ELAVL2: variants seen among roughly 807,000 people sequenced by gnomAD.
ELAVL2 encodes the protein ELAV-like protein 2.
In ELAVL2, 4 loss-of-function variants were observed where a neutral mutation model predicts 34.6. The observed-to-expected ratio is 0.12, with a 90% CI of 0.06 to 0.26. The LOEUF (loss-of-function observed/expected upper bound fraction) is 0.26. ELAVL2 is among the 10% of genes least tolerant of loss of function. The probability of loss-of-function intolerance (pLI) is 1.00; values close to 1 mark genes in which losing one functional copy is unlikely to be tolerated. For synonymous variants in ELAVL2, 193 were observed against 154.8 expected (o/e 1.25, Z -1.83); for missense variants, 432 against 442.8 (o/e 0.98, Z 0.22).
intron 1 of ELAVL2, among the ~76,000 whole-genome samples, chr9:23,777,701 C>CA: frequency 6.6e-6 from 1 of 152,262 alleles, no homozygotes; most frequent in South Asian, 2.1e-4. Context: ...TGCACTGGAA[C>CA]AGTAATTAGA....
the ELAVL2 span, among the ~76,000 whole-genome samples, chr9:23,846,675 A>T: frequency 6.6e-6 from 1 of 152,062 alleles, no homozygotes; most frequent in East Asian, 1.9e-4. Flanking sequence ...TCCATAATTA[A>T]TATCCCAAAA....
intron 5 of ELAVL2, 95 bp downstream of exon 5, chr9:23,701,284 C>G: frequency 7.3e-7 from 1 of 1,375,238 alleles, no homozygotes; most frequent in Non-Finnish European, 1.0e-6. Context: ...CTGACAAAAG[C>G]AAACCAGAGA....
chr9:23,727,529 A>C (rs1296678793), intron 3 of ELAVL2, among the ~76,000 whole-genome samples: 1 of 152,102 alleles, frequency 6.6e-6, no homozygotes, highest in Non-Finnish European at 1.5e-5. Flanking sequence ...ATGTATAGAG[A>C]ACCGCCAAAC....
the ELAVL2 span, among the ~76,000 whole-genome samples, chr9:23,833,676 G>A: frequency 1.7e-4 from 26 of 151,698 alleles, no homozygotes; most frequent in African/African-American, 6.3e-4. Context: ...TAAAGGCATA[G>A]CAATTCATTA....
chr9:23,767,185 G>A (rs1481149122), intron 1 of ELAVL2, among the ~76,000 whole-genome samples: 1 of 151,922 alleles, frequency 6.6e-6, no homozygotes, highest in African/African-American at 2.4e-5. Context: ...TATACACACA[G>A]GTACTTCCAA....
chr9:23,803,233 C>T (rs758984855), intron 1 of ELAVL2, among the ~76,000 whole-genome samples: 11 of 152,154 alleles, frequency 7.2e-5, no homozygotes, highest in Non-Finnish European at 1.5e-4. Context: ...ATCTCAACTG[C>T]CTTTAATGTA....
At chr9:23,841,982 CTA>C in the ELAVL2 span, among the ~76,000 whole-genome samples, 1 of 152,102 alleles carries the variant, frequency 6.6e-6, no homozygotes, top group Admixed American at 6.5e-5. Flanking sequence ...GATAACAACT[CTA>C]TGTTAAAACT....
At chr9:23,823,452 T>G (rs2065077234) in intron 1 of ELAVL2, among the ~76,000 whole-genome samples, 1 of 152,170 alleles carries the variant, frequency 6.6e-6, no homozygotes, top group African/African-American at 2.4e-5. Context: ...CGTAGCGTTT[T>G]TTGTGAAGAG....
chr9:23,815,153 C>T (rs745479119), intron 1 of ELAVL2, among the ~76,000 whole-genome samples: 14 of 151,900 alleles, frequency 9.2e-5, no homozygotes, highest in South Asian at 2.1e-4. Context: ...TCAGAGAAAA[C>T]GCGGACTATT....
In ELAVL2 at chr9:23,690,729, G is replaced by C. The variant is rs2032905601; in HGVS notation, c.*1828C>G. ...TTGCCTGTTCTAAGGGGAAGCATGTGAGCATCTCAGTTTATACAAAAAGCA... is the reference window on the plus strand; with the variant it reads ...TTGCCTGTTCTAAGGGGAAGCATGTCAGCATCTCAGTTTATACAAAAAGCA... On this transcript the variant is annotated 3_prime_UTR_variant, in exon 7 of 7. Transcript: ENST00000397312. 6.6e-6 allele frequency: 1 copy of C among 152,578 alleles called. No homozygotes were observed. Among genetic ancestry groups the C allele is most frequent in the Admixed American group, 6.5e-5 (1 of 15,268 alleles). The allele number at this position is 152,578 out of a possible 1,614,324, so 9.5% of individuals were successfully genotyped here. A position where few individuals can be genotyped will look rare whatever the true frequency, so the allele number is the denominator to read the frequency against.
intron 3 of ELAVL2, among the ~76,000 whole-genome samples, chr9:23,730,741 T>C (rs1657096242): frequency 6.6e-6 from 1 of 152,102 alleles, no homozygotes; most frequent in South Asian, 2.1e-4. Flanking sequence ...ATAGGGCAAG[T>C]AATTCTCTAT....
At position 23,731,183 on chromosome 9, in the gene ELAVL2, A is replaced by T. The variant is rs2046439144; in HGVS notation, c.230-58T>A. ...TAGTTCTATACTGTTGACAGAGATC[A>T]ACTTTCATTTTGGCATATGGTCTTG... is the stretch of plus-strand genomic sequence containing the variant. On this transcript the variant is annotated intron_variant, in intron 2 of 6. Coordinates refer to ENST00000397312, the MANE Select transcript of ELAVL2 (RefSeq NM_004432.5). The T allele has an allele frequency of 2.0e-6, 3 of 1,484,348 alleles. No individual in the cohort carries two copies. In the Admixed American group the frequency reaches 6.1e-5, roughly 30 times the overall value. 91.9% of individuals were successfully genotyped at this position (1,484,348 alleles called of 1,614,324 possible).
intron 2 of ELAVL2, among the ~76,000 whole-genome samples, chr9:23,748,347 T>A (rs2051025470): frequency 6.6e-6 from 1 of 152,164 alleles, no homozygotes; most frequent in African/African-American, 2.4e-5. Flanking sequence ...AGTCTGGGGA[T>A]GTTACACACT....
At chr9:23,757,955 T>C (rs2053974624) in intron 2 of ELAVL2, among the ~76,000 whole-genome samples, 1 of 152,096 alleles carries the variant, frequency 6.6e-6, no homozygotes, top group South Asian at 2.1e-4. Flanking sequence ...GTTCCTTAGA[T>C]ATAGTTTCCT....
intron 1 of ELAVL2, among the ~76,000 whole-genome samples, chr9:23,779,979 TAAAAAAAAAAAAAAAA>T (rs61251366): frequency 2.1e-5 from 1 of 48,256 alleles, no homozygotes; most frequent in Non-Finnish European, 4.0e-5. Context: ...TAGTGTTCCT[TAAAAAAAAAAAAAAAA>T]AAAAAAAAAA....
intron 1 of ELAVL2, among the ~76,000 whole-genome samples, chr9:23,776,087 G>A (rs2058146124): frequency 6.6e-6 from 1 of 152,152 alleles, no homozygotes; most frequent in African/African-American, 2.4e-5. Flanking sequence ...TGCCAAGTGG[G>A]AAAAATTTCC....
At chr9:23,802,235 T>C (rs987812886) in intron 1 of ELAVL2, among the ~76,000 whole-genome samples, 4 of 152,154 alleles carry the variant, frequency 2.6e-5, no homozygotes, top group Non-Finnish European at 5.9e-5. Flanking sequence ...GTATGTTGTA[T>C]GTAGATGTGT....
upstream of ELAVL2, among the ~76,000 whole-genome samples, chr9:23,828,122 A>G (rs1424277559): frequency 2.0e-5 from 3 of 152,192 alleles, no homozygotes; most frequent in African/African-American, 4.8e-5. Context: ...GACTAGATGT[A>G]TGAATAACAG....
rs554554638 is a variant in ELAVL2 at position 23,748,329 on chromosome 9, C to T, written c.229+13677G>A. Among the ~76,000 whole-genome samples the T allele has an allele frequency of 8.5e-5, 13 of 152,214 alleles. No homozygotes were observed. In the East Asian group the frequency reaches 2.5e-3, roughly 29 times the overall value. On this transcript the variant is annotated intron_variant, in intron 2 of 6. Coordinates refer to ENST00000397312, the MANE Select transcript of ELAVL2 (RefSeq NM_004432.5). ...CTCAGCAGAGAATGAAGTGAGGTAA[C>T]GAGAAGTAGTCTGGGGATGTTACAC... is the stretch of plus-strand genomic sequence containing the variant.
Sources: allele counts gnomAD v4.1 joint callset (sites outside exome capture counted in the v4.1 genomes callset), GRCh38; gene constraint gnomAD v4.1.1; transcripts MANE v1.5; gene names NCBI Gene and HGNC (gene_info 2026-07-23, HGNC 2026-07-21).